Variants in DNAH1 observed in about 807,000 individuals in gnomAD.
DNAH1 encodes the protein axonemal beta dynein heavy chain 1.
In DNAH1, 327 loss-of-function variants were observed where a neutral mutation model predicts 484.3. The ratio of observed to expected loss-of-function variants is 0.68; its 90% CI spans 0.62 to 0.74. The LOEUF is 0.74. Among genes scored for constraint, DNAH1 ranks in the 30% least tolerant of loss-of-function variants. DNAH1 has a pLI of 0.00. For missense variants in DNAH1, 5,052 were observed against 5,546.8 expected, an observed-to-expected ratio of 0.91 and a Z score of 2.83; for synonymous variants, 2,192 against 2,191.9, an observed-to-expected ratio of 1.00 and a Z score of 0.00.
intron 11 of DNAH1, 31 bp from the exon 12 acceptor site, chr3:52,347,793 C>T (rs1405351386): frequency 1.3e-6 from 2 of 1,542,536 alleles, no homozygotes; most frequent in Admixed American, 2.0e-5. Context: ...TCCTAGGCCT[C>T]TGCCCACAGT....
chr3:52,350,490 T>TACC lies in DNAH1; in HGVS notation c.2647-14_2647-12dup. ...TCCCTGGCACACGTGAAGTTCTCATTACCACCTGTCTGTGCAGGAGCGGAT... is the reference window on the plus strand; with the variant it reads ...TCCCTGGCACACGTGAAGTTCTCATTACCACCACCTGTCTGTGCAGGAGCGGAT... On this transcript the variant is annotated splice_polypyrimidine_tract_variant and intron_variant, in intron 15 of 77. Coordinates refer to ENST00000420323, the MANE Select transcript of DNAH1 (RefSeq NM_015512.5). The TACC allele has an allele frequency of 6.2e-7, 1 of 1,612,848 alleles. No homozygotes were observed. The highest frequency in any genetic ancestry group is 8.5e-7 in the Non-Finnish European group (1 of 1,179,128).
At chr3:52,350,730 AGGGCTCCACACAT>A (rs1175668361) in intron 16 of DNAH1, 140 bp downstream of exon 16, 1 of 837,680 alleles carries the variant, frequency 1.2e-6, no homozygotes, top group East Asian at 2.7e-5. Context: ...TTCAGAGGCC[AGGGCTCCACACAT>A]GGGCCGGGAC....
rs1372660062 is a variant in DNAH1 at position 52,346,529 on chromosome 3, A to G, written c.1714A>G (p.Ser572Gly). ...CTCGCTAAAGGTGGCCATGCGCAGC[A>G]GCCTGCGCGACATGAGCAAGGGCTG... ...ISSLKVAMRS[S>G]LRDMSKGWYN... The change falls in exon 11 of 78, where the codon AGC becomes GGC. Residue 572 changes from serine to glycine, a missense_variant. By Grantham distance (56) the Ser-to-Gly change is moderately conservative. Coordinates refer to ENST00000420323, the MANE Select transcript of DNAH1 (RefSeq NM_015512.5). The G allele has an allele frequency of 3.7e-6, 6 of 1,613,752 alleles. No individual in the cohort carries two copies. In the Admixed American group the frequency reaches 8.3e-5, roughly 22 times the overall value.
Position 52,375,427 on chromosome 3 carries a change from G to T in DNAH1, c.7159+14G>T, listed in dbSNP as rs1703548526. 6.2e-7 allele frequency: 1 copy of T among 1,609,090 alleles called. No homozygotes were observed. The highest frequency in any genetic ancestry group is 1.3e-5 in the African/African-American group (1 of 75,014). ...GCAACTGGTTGGGTGAGTATTGGTG[G>T]GGGTGAGCATGGACAAAGGCAGAAG... On this transcript the variant is annotated intron_variant, in intron 45 of 77. Transcript: ENST00000420323.
Position 52,362,795 on chromosome 3 carries a change from CAT to C in DNAH1, c.5095-199_5095-198del, listed in dbSNP as rs1461755877. Reference sequence around the variant, plus strand: ...GCCAAGAGGGGCATCTCCTGGGAGTCATGTGGGGGCAGGTTTGGATCAACACC... The same window carrying C: ...GCCAAGAGGGGCATCTCCTGGGAGTCGTGGGGGCAGGTTTGGATCAACACC... On this transcript the variant is annotated intron_variant, in intron 31 of 77. Coordinates refer to ENST00000420323, the MANE Select transcript of DNAH1 (RefSeq NM_015512.5). The surrounding 1 kb of genome is among the most constrained non-coding windows in gnomAD (Gnocchi z 5.1). 6.6e-6 allele frequency among the ~76,000 whole-genome samples: 1 copy of C among 152,076 alleles called. No individual in the cohort carries two copies. Among genetic ancestry groups the C allele is most frequent in the Non-Finnish European group, 1.5e-5 (1 of 67,986 alleles).
intron 44 of DNAH1, chr3:52,374,400 C>T (rs1703492213): frequency 2.3e-6 from 3 of 1,323,560 alleles, no homozygotes; most frequent in Non-Finnish European, 2.2e-6. Flanking sequence ...GGACAGCACC[C>T]CCACAGAACC....
Position 52,369,823 on chromosome 3 carries a change from A to G in DNAH1, c.5944-2A>G. On this transcript the variant is annotated splice_acceptor_variant, in intron 37 of 77. Transcript: ENST00000420323. LOFTEE classifies it high-confidence loss of function. ...CACTCATTTGGTTCGTCTTGGCACC[A>G]GGCAATGACCATGATGTTCGAGGTG... 1 of 1,601,542 alleles carries G rather than the reference A, an allele frequency of 6.2e-7. No individual in the cohort carries two copies.
At chr3:52,374,221 A>T (rs1353326381) in intron 44 of DNAH1, 2 of 1,386,902 alleles carry the variant, frequency 1.4e-6, no homozygotes, top group Non-Finnish European at 2.1e-6. Flanking sequence ...ATAATGGCAT[A>T]GCAGAGTTAC....
chr3:52,390,822 C>T, intron 60 of DNAH1, 113 bp from the exon 61 acceptor site: 1 of 1,460,968 alleles, frequency 6.8e-7, no homozygotes. Context: ...CAAGGGGATG[C>T]AGTAAGGAGA....
At chr3:52,365,627 C>T (rs1228768106) in intron 34 of DNAH1, among the ~76,000 whole-genome samples, 1 of 152,142 alleles carries the variant, frequency 6.6e-6, no homozygotes, top group Non-Finnish European at 1.5e-5. Context: ...AGTTCATTCC[C>T]AGCCAGCCAC....
chr3:52,327,346 C>T (rs1701384056), intron 5 of DNAH1, among the ~76,000 whole-genome samples: 2 of 152,134 alleles, frequency 1.3e-5, no homozygotes, highest in Admixed American at 1.3e-4. Flanking sequence ...GGAGCATGGC[C>T]TGGCTCTGGC....
Position 52,332,320 on chromosome 3 carries a change from T to C in DNAH1, c.1212T>C (p.His404=). The C allele has an allele frequency of 6.2e-7, 1 of 1,614,084 alleles. No homozygotes were observed. The highest frequency in any genetic ancestry group is 8.5e-7 in the Non-Finnish European group (1 of 1,179,908). ...ACTGCATGCCCTCTGACGGCCAGCA[T>C]GTCATCAGTGAACAGAGCCTGAGCA... is the stretch of plus-strand genomic sequence containing the variant. ...YVDCMPSDGQ[H]VISEQSLSKI... The change falls in exon 8 of 78, where the codon CAT becomes CAC. Residue 404 remains histidine (H), a synonymous_variant. Coordinates refer to ENST00000420323, the MANE Select transcript of DNAH1 (RefSeq NM_015512.5).
chr3:52,357,805 T>C (rs1702679117), intron 23 of DNAH1, 70 bp downstream of exon 23: 2 of 1,575,548 alleles, frequency 1.3e-6, no homozygotes, highest in Non-Finnish European at 8.6e-7. Flanking sequence ...AGGGCCCTGC[T>C]CAGGCTAGGG....
Position 52,327,866 on chromosome 3 carries a change from G to T in DNAH1, c.739-16G>T, listed in dbSNP as rs765068565. ...GAGGAGCTGCTTCTTCCCAATGTTGGCCTGCTTTCTTCCAGGTATTTGACA... is the reference window on the plus strand; with the variant it reads ...GAGGAGCTGCTTCTTCCCAATGTTGTCCTGCTTTCTTCCAGGTATTTGACA... On this transcript the variant is annotated splice_polypyrimidine_tract_variant and intron_variant, in intron 5 of 77. Coordinates refer to ENST00000420323, the MANE Select transcript of DNAH1 (RefSeq NM_015512.5). 13 of 1,611,962 alleles carry T rather than the reference G, an allele frequency of 8.1e-6. No individual in the cohort carries two copies. The Admixed American group carries it at 2.2e-4, about 27-fold the overall frequency.
In DNAH1 at chr3:52,350,006, C is replaced by A; in HGVS notation, c.2544C>A (p.Arg848=). The A allele has an allele frequency of 6.2e-7, 1 of 1,611,052 alleles. No homozygotes were observed. The change falls in exon 15 of 78, where the codon CGC becomes CGA. Residue 848 remains arginine, a synonymous_variant. Transcript: ENST00000420323. ...ACTGCCAGATCTGCGAGGAGTTCCG[C>A]AGCATCAGCCGCAAGATCTATGAGA... ...KEVDSICEEF[R]SISRKIYEKP...
At position 52,345,630 on chromosome 3, in the gene DNAH1, C is replaced by G; in HGVS notation, c.1580C>G (p.Ser527Cys). 1 of 1,611,036 alleles carries G rather than the reference C, an allele frequency of 6.2e-7. No homozygotes were observed. The highest frequency in any genetic ancestry group is 8.5e-7 in the Non-Finnish European group (1 of 1,178,686). ...RAECNKVTAM[S>C]LFHSSLSKYS... The stretch of plus-strand genomic sequence containing the variant: ...GAGTGCAACAAGGTGACCGCCATGT[C>G]CCTGTTCCACTCGAGCCTCTCCAAG... The change falls in exon 10 of 78, where the codon TCC becomes TGC. Residue 527 changes from serine (S) to cysteine (C), a missense_variant. Ser to Cys is a moderately radical substitution (Grantham distance 112). Coordinates refer to ENST00000420323, the MANE Select transcript of DNAH1 (RefSeq NM_015512.5).
Position 52,355,038 on chromosome 3 carries a change from A to T in DNAH1, c.3676A>T (p.Lys1226Ter). The T allele has an allele frequency of 1.2e-6, 2 of 1,613,742 alleles. No homozygotes were observed. Among genetic ancestry groups the T allele is most frequent in the Non-Finnish European group, 8.5e-7 (1 of 1,179,880 alleles). ...GCAGCGCATCAACTCCTGGGAGAAC[A>T]AACTGAAGCTGACCCAGGTCGGCCC... is the stretch of plus-strand genomic sequence containing the variant. ...FEQRINSWEN[K>*]LKLTQEVLEE... The change falls in exon 21 of 78, where the codon AAA becomes TAA. Residue 1226 changes from lysine (K) to a stop codon, truncating the protein, a stop_gained. Coordinates refer to ENST00000420323, the MANE Select transcript of DNAH1 (RefSeq NM_015512.5). LOFTEE classifies it high-confidence loss of function. The surrounding 1 kb of genome is among the most constrained non-coding windows in gnomAD (Gnocchi z 4.5).
chr3:52,386,391 T>A, intron 55 of DNAH1, 46 bp downstream of exon 55: 1 of 1,508,730 alleles, frequency 6.6e-7, no homozygotes, highest in Non-Finnish European at 8.9e-7. Flanking sequence ...TATGCCTCTG[T>A]CCTCAAGCCT....
chr3:52,375,178 G>A, intron 44 of DNAH1, 62 bp from the exon 45 acceptor site: 2 of 1,515,024 alleles, frequency 1.3e-6, no homozygotes, highest in Non-Finnish European at 1.8e-6. Flanking sequence ...TGGAGAAGGG[G>A]CCACAAAGGT....
Sources: gnomAD v4.1 joint callset for allele counts (sites outside exome capture counted in the v4.1 genomes callset) on GRCh38, gnomAD v4.1.1 for gene constraint, Gnocchi (gnomAD v3.1) non-coding constraint, MANE v1.5 for transcripts, NCBI Gene and HGNC (gene_info 2026-07-23, HGNC 2026-07-21) for gene names.